GARS1: variants seen among roughly 807,000 people sequenced by gnomAD.
The protein encoded by GARS1 is glycyl-tRNA synthetase 1, also known as glycine--tRNA ligase.
In GARS1, 46 loss-of-function variants were observed where a neutral mutation model predicts 86.4. That is an observed-to-expected ratio of 0.53 (90% CI 0.42 to 0.68). The LOEUF is 0.68. Ranked by LOEUF, GARS1 falls within the 30% of genes least tolerant of loss-of-function variation. The probability of loss-of-function intolerance (pLI) is 0.00; values close to 1 mark genes in which losing one functional copy is unlikely to be tolerated. For missense variants in GARS1, 797 were observed against 915.6 expected (o/e 0.87, Z 1.67); for synonymous variants, 342 against 329.8 (o/e 1.04, Z -0.40).
chr7:30,618,674 C>T (rs919703386), intron 10 of GARS1, among the ~76,000 whole-genome samples: 2 of 152,174 alleles, frequency 1.3e-5, no homozygotes, highest in Admixed American at 1.3e-4. Context: ...GCTCCATGGT[C>T]TTGGGTATGT....
At chr7:30,626,980 C>CAAAA in intron 13 of GARS1, 23 of 313,286 alleles carry the variant, frequency 7.3e-5, no homozygotes, top group East Asian at 9.9e-5. Context: ...GACTCCGTCT[C>CAAAA]AAAAAAAAAA....
At position 30,595,005 on chromosome 7, in the gene GARS1, C is replaced by T; in HGVS notation, c.84C>T (p.Pro28=). The part of the protein sequence containing the change: ...LLLPPRLLAR[P]SLLLRRSLSA... ...TGCCGCCCCGGCTCTTAGCCCGACC[C>T]TCGCTCCTGCTCCGCCGGTCCCTCA... The change falls in exon 1 of 17, where the codon CCC becomes CCT. Residue 28 remains proline (P), a synonymous_variant. Coordinates refer to ENST00000389266, the MANE Select transcript of GARS1 (RefSeq NM_002047.4). The T allele has an allele frequency of 6.3e-7, 1 of 1,584,952 alleles. No homozygotes were observed. The highest frequency in any genetic ancestry group is 8.5e-7 in the Non-Finnish European group (1 of 1,173,312).
In GARS1 at chr7:30,629,192, A is replaced by T. The variant is rs373860103; in HGVS notation, c.1809+523A>T. Among the ~76,000 whole-genome samples the T allele has an allele frequency of 1.8e-3, 276 of 151,780 alleles. 1 individual carries two copies. The highest frequency in any genetic ancestry group is 5.3e-3 in the African/African-American group (219 of 41,416). ...AGACCCAGGGATCTGGGGTTTTTTT[A>T]AAAAAAATAAGAATCCTGAGTGATT... is the stretch of plus-strand genomic sequence containing the variant. On this transcript the variant is annotated intron_variant, in intron 14 of 16. Coordinates refer to ENST00000389266, the MANE Select transcript of GARS1 (RefSeq NM_002047.4).
In GARS1 at chr7:30,594,933, G is replaced by A. The variant is rs775650014; in HGVS notation, c.12G>A (p.Pro4=). 6 of 1,591,512 alleles carry A rather than the reference G, an allele frequency of 3.8e-6. No homozygotes were observed. The Admixed American group carries it at 6.8e-5, about 18-fold the overall frequency. ...AGGGCCGCAGGCTCATGCCCTCTCCGCGTCCAGTGCTGCTTAGAGGTGCTC... is the reference window on the plus strand; with the variant it reads ...AGGGCCGCAGGCTCATGCCCTCTCCACGTCCAGTGCTGCTTAGAGGTGCTC... MPS[P]RPVLLRGARA... Residue 4 remains proline, a synonymous_variant, in exon 1 of 17, where the codon CCG becomes CCA. Coordinates refer to ENST00000389266, the MANE Select transcript of GARS1 (RefSeq NM_002047.4).
At chr7:30,613,989 C>T (rs1269631121) in intron 8 of GARS1, among the ~76,000 whole-genome samples, 1 of 152,150 alleles carries the variant, frequency 6.6e-6, no homozygotes, top group East Asian at 1.9e-4. Context: ...TATCTGTCTT[C>T]CTAGCCTGTG....
At chr7:30,606,001 G>A (rs75826378) in intron 6 of GARS1, among the ~76,000 whole-genome samples, 355 of 151,682 alleles carry the variant, frequency 2.3e-3, no homozygotes, top group African/African-American at 8.3e-3. Flanking sequence ...TTCCCTCCCC[G>A]CATTTTCATT....
At chr7:30,622,643 G>A in intron 12 of GARS1, 181 bp downstream of exon 12, 1 of 670,060 alleles carries the variant, frequency 1.5e-6, no homozygotes, top group Admixed American at 2.7e-5. Flanking sequence ...ATTTGAAATA[G>A]AATATACTTT....
In GARS1 at chr7:30,609,570, TTA is replaced by T; in HGVS notation, c.736-11_736-10del. 6.2e-7 allele frequency: 1 copy of T among 1,608,926 alleles called. No individual in the cohort carries two copies. The highest frequency in any genetic ancestry group is 8.5e-7 in the Non-Finnish European group (1 of 1,175,714). ...TTCTCTGTCTTTTACACTAATTTCT[TTA>T]TATGTCTTTTAGCTTGATAACTATG... On this transcript the variant is annotated splice_polypyrimidine_tract_variant and intron_variant, in intron 6 of 16. Coordinates refer to ENST00000389266, the MANE Select transcript of GARS1 (RefSeq NM_002047.4).
intron 13 of GARS1, chr7:30,627,304 CTG>C (rs1783148406): frequency 4.8e-6 from 1 of 206,680 alleles, no homozygotes; most frequent in South Asian, 6.3e-5. Context: ...CCGTCACAGT[CTG>C]GGGCTTTATA....
chr7:30,621,810 C>T (rs145272525), intron 11 of GARS1: 21 of 444,576 alleles, frequency 4.7e-5, no homozygotes, highest in African/African-American at 3.6e-4. Context: ...CCTGCACCTA[C>T]CTACGTGCTC....
At chr7:30,600,093 T>C in intron 3 of GARS1, 44 bp downstream of exon 3, 1 of 1,319,884 alleles carries the variant, frequency 7.6e-7, no homozygotes, top group South Asian at 1.2e-5. Flanking sequence ...TGTTAGTGGC[T>C]CTAATATTAT....
chr7:30,598,570 G>A (rs1190872097), intron 1 of GARS1, among the ~76,000 whole-genome samples: 1 of 151,842 alleles, frequency 6.6e-6, no homozygotes, highest in East Asian at 1.9e-4. Context: ...TGTATTTTCA[G>A]TAGCGATGGT....
chr7:30,626,606 G>C (rs1216992784), intron 13 of GARS1, among the ~76,000 whole-genome samples: 1 of 152,164 alleles, frequency 6.6e-6, no homozygotes, highest in African/African-American at 2.4e-5. Context: ...CTGCCTTCGC[G>C]TCCCAAAGTG....
intron 1 of GARS1, 127 bp downstream of exon 1, chr7:30,595,270 C>G: frequency 1.1e-6 from 1 of 939,692 alleles, no homozygotes; most frequent in East Asian, 2.6e-5. Context: ...CCTTCATCCT[C>G]TGGCGTCTTC....
At chr7:30,600,981 T>C in intron 3 of GARS1, 78 bp from the exon 4 acceptor site, 1 of 1,315,876 alleles carries the variant, frequency 7.6e-7, no homozygotes, top group Non-Finnish European at 1.1e-6. Context: ...AGTATAGGTA[T>C]CAGTTTCTCA....
At chr7:30,613,018 A>G (rs1395796251) in intron 8 of GARS1, among the ~76,000 whole-genome samples, 2 of 152,178 alleles carry the variant, frequency 1.3e-5, no homozygotes, top group Non-Finnish European at 2.9e-5. Flanking sequence ...CTAAGGCCCC[A>G]AAGTGTTTTC....
intron 1 of GARS1, among the ~76,000 whole-genome samples, chr7:30,597,891 A>G (rs1161382095): frequency 6.6e-6 from 1 of 152,192 alleles, no homozygotes; most frequent in African/African-American, 2.4e-5. Context: ...TTCATCCTAT[A>G]TAGGTAATAT....
intron 10 of GARS1, among the ~76,000 whole-genome samples, chr7:30,618,247 A>G (rs1782929675): frequency 6.6e-6 from 1 of 152,150 alleles, no homozygotes; most frequent in Non-Finnish European, 1.5e-5. Context: ...AACATTTTCT[A>G]TAAAGGACCA....
intron 12 of GARS1, among the ~76,000 whole-genome samples, chr7:30,624,253 G>T (rs1562781033): frequency 6.6e-6 from 1 of 152,106 alleles, no homozygotes; most frequent in African/African-American, 2.4e-5. Flanking sequence ...AGAGTGCATT[G>T]CCAGCAGACC....
Sources: allele counts gnomAD v4.1 joint callset (sites outside exome capture counted in the v4.1 genomes callset), GRCh38; gene constraint gnomAD v4.1.1; transcripts MANE v1.5; gene names NCBI Gene and HGNC (gene_info 2026-07-23, HGNC 2026-07-21).